QTMAN: variants seen among roughly 807,000 people sequenced by gnomAD.
The protein encoded by QTMAN is queuosine-tRNA mannosyltransferase, also known as tRNA-queuosine alpha-mannosyltransferase.
the QTMAN span, among the ~76,000 whole-genome samples, chr2:144,107,008 T>C: frequency 6.6e-6 from 1 of 152,198 alleles, no homozygotes; most frequent in African/African-American, 2.4e-5. Context: ...GAATGACTAC[T>C]GGGTACATAA....
chr2:144,330,705 ATCAAACAAACTTTAG>A, the QTMAN span, among the ~76,000 whole-genome samples: 1 of 152,206 alleles, frequency 6.6e-6, no homozygotes, highest in East Asian at 1.9e-4. Context: ...AGATACCATA[ATCAAACAAACTTTAG>A]TACCATAATC....
chr2:144,326,586 CAAAA>C, the QTMAN span, among the ~76,000 whole-genome samples: 1 of 43,728 alleles, frequency 2.3e-5, no homozygotes, highest in Non-Finnish European at 5.0e-5. Flanking sequence ...GACTCCATCT[CAAAA>C]AAAAAAAAAA....
the QTMAN span, among the ~76,000 whole-genome samples, chr2:144,306,494 G>T: frequency 1.3e-5 from 2 of 152,106 alleles, no homozygotes; most frequent in Non-Finnish European, 2.9e-5. Flanking sequence ...CCATCAAAGA[G>T]AAAGAGTGAA....
chr2:144,057,632 T>C, the QTMAN span, among the ~76,000 whole-genome samples: 1 of 152,188 alleles, frequency 6.6e-6, no homozygotes, highest in East Asian at 1.9e-4. Context: ...TAATCATGTG[T>C]CTATGTTGAT....
At chr2:144,245,799 A>C in the QTMAN span, among the ~76,000 whole-genome samples, 1 of 152,238 alleles carries the variant, frequency 6.6e-6, no homozygotes, top group South Asian at 2.1e-4. Context: ...ATATAAAAAT[A>C]ACATAGCATT....
the QTMAN span, among the ~76,000 whole-genome samples, chr2:143,991,381 C>T: frequency 3.8e-4 from 58 of 151,714 alleles, no homozygotes; most frequent in African/African-American, 1.3e-3. Context: ...AATAACTTCT[C>T]GGTGGGGGGT....
chr2:144,331,788 T>C, the QTMAN span, among the ~76,000 whole-genome samples: 97 of 152,240 alleles, frequency 6.4e-4, no homozygotes, highest in Middle Eastern at 3.4e-3. Flanking sequence ...ATGTGCTTAA[T>C]CCTCAGACGA....
the QTMAN span, among the ~76,000 whole-genome samples, chr2:144,328,258 T>C: frequency 6.6e-6 from 1 of 152,302 alleles, no homozygotes; most frequent in Middle Eastern, 3.4e-3. Context: ...GCTCTGGTTA[T>C]TTTTTAAACA....
the QTMAN span, among the ~76,000 whole-genome samples, chr2:144,215,833 C>A: frequency 6.6e-6 from 1 of 152,156 alleles, no homozygotes; most frequent in African/African-American, 2.4e-5. Flanking sequence ...TGCTACCATA[C>A]AATCTTGTTC....
chr2:143,951,919 TAAGA>T, the QTMAN span: 14 of 815,064 alleles, frequency 1.7e-5, no homozygotes, highest in Admixed American at 1.1e-4. Flanking sequence ...TGTTTTTTTT[TAAGA>T]TTTTTCTTTG....
the QTMAN span, among the ~76,000 whole-genome samples, chr2:144,076,161 C>T: frequency 1.3e-5 from 2 of 152,060 alleles, no homozygotes; most frequent in East Asian, 1.9e-4. Flanking sequence ...GCAGGAGAAT[C>T]GCTTGAACCT....
chr2:144,045,503 G>A, the QTMAN span, among the ~76,000 whole-genome samples: 1 of 152,164 alleles, frequency 6.6e-6, no homozygotes, highest in Non-Finnish European at 1.5e-5. Flanking sequence ...GCATCAACTA[G>A]AAGGCATAAT....
At chr2:143,965,719 A>G in the QTMAN span, among the ~76,000 whole-genome samples, 1 of 152,238 alleles carries the variant, frequency 6.6e-6, no homozygotes, top group African/African-American at 2.4e-5. Context: ...CAGTTGTGAC[A>G]GCCAAAAATG....
the QTMAN span, among the ~76,000 whole-genome samples, chr2:143,992,538 AT>A: frequency 3.3e-5 from 5 of 151,748 alleles, no homozygotes; most frequent in African/African-American, 2.4e-5. Flanking sequence ...CAATAAAAAA[AT>A]AAATAAATAA....
At chr2:144,248,656 G>A in the QTMAN span, among the ~76,000 whole-genome samples, 1 of 151,986 alleles carries the variant, frequency 6.6e-6, no homozygotes, top group African/African-American at 2.4e-5. Flanking sequence ...ACCATTCAGT[G>A]TAGGCTGAAT....
the QTMAN span, among the ~76,000 whole-genome samples, chr2:144,318,170 G>A: frequency 6.8e-6 from 1 of 146,996 alleles, no homozygotes. Context: ...AAGGTAAAAA[G>A]GTGCCTGCTG....
the QTMAN span, among the ~76,000 whole-genome samples, chr2:143,980,164 C>A: frequency 1.3e-5 from 2 of 152,102 alleles, no homozygotes; most frequent in South Asian, 4.2e-4. Flanking sequence ...ATTAGCTATT[C>A]TACCTGATGC....
At chr2:144,209,589 T>C in the QTMAN span, among the ~76,000 whole-genome samples, 1 of 152,256 alleles carries the variant, frequency 6.6e-6, no homozygotes, top group South Asian at 2.1e-4. Context: ...AATAATGGGG[T>C]TACTAAAGAC....
chr2:143,984,441 A>T, the QTMAN span, among the ~76,000 whole-genome samples: 1 of 152,274 alleles, frequency 6.6e-6, no homozygotes, highest in South Asian at 2.1e-4. Context: ...CAAGACCAAA[A>T]ATCCTTCCTT....
Sources: gnomAD v4.1 joint callset for allele counts (sites outside exome capture counted in the v4.1 genomes callset) on GRCh38, gnomAD v4.1.1 for gene constraint, MANE v1.5 for transcripts, NCBI Gene and HGNC (gene_info 2026-07-23, HGNC 2026-07-21) for gene names.